The following PACRG variants were observed in gnomAD, a reference collection of about 807,000 sequenced individuals.
The protein encoded by PACRG is parkin coregulated.
Under a neutral mutation model 29.7 loss-of-function variants are expected in PACRG, and 29 were observed. The ratio of observed to expected loss-of-function variants is 0.98; its 90% confidence interval spans 0.73 to 1.33. The LOEUF is 1.33. PACRG is among the 40% of genes most tolerant of loss of function. PACRG has a pLI of 0.00. For missense variants in PACRG, 279 were observed against 316.2 expected (o/e 0.88, Z 0.89); for synonymous variants, 116 against 118.7 (o/e 0.98, Z 0.15).
chr6:162,908,276 T>C (rs1025150861), intron 2 of PACRG, among the ~76,000 whole-genome samples: 1 of 152,236 alleles, frequency 6.6e-6, no homozygotes, highest in African/African-American at 2.4e-5. Context: ...ACATACCTGC[T>C]AAGTAGTGGA....
intron 4 of PACRG, chr6:163,101,159 C>T (rs779960510): frequency 1.2e-4 from 120 of 983,832 alleles, no homozygotes; most frequent in Non-Finnish European, 1.4e-4. Context: ...TCTGCCCCCG[C>T]CCCCCAAAAA....
At chr6:163,037,666 A>G (rs1355469581) in intron 2 of PACRG, among the ~76,000 whole-genome samples, 3 of 152,190 alleles carry the variant, frequency 2.0e-5, no homozygotes, top group Admixed American at 2.0e-4. Context: ...ATCCTCTCGC[A>G]ACATACTCGG....
At chr6:162,957,039 TAA>T (rs1173815340) in intron 2 of PACRG, among the ~76,000 whole-genome samples, 3 of 144,692 alleles carry the variant, frequency 2.1e-5, no homozygotes, top group African/African-American at 7.6e-5. Context: ...GTAAAGCGTT[TAA>T]AAAAAAAAAA....
At chr6:163,122,843 A>G (rs1003206356) in intron 4 of PACRG, among the ~76,000 whole-genome samples, 1 of 152,222 alleles carries the variant, frequency 6.6e-6, no homozygotes, top group African/African-American at 2.4e-5. Context: ...TCACCACAAC[A>G]AGGAGACAGA....
chr6:163,221,531 A>ATCTT (rs1188439497), intron 4 of PACRG, among the ~76,000 whole-genome samples: 2 of 152,272 alleles, frequency 1.3e-5, no homozygotes, highest in African/African-American at 4.8e-5. Flanking sequence ...TGCAAAGCAC[A>ATCTT]TCTTACGTTG....
intron 1 of PACRG, among the ~76,000 whole-genome samples, chr6:162,754,476 A>G (rs201641123): frequency 1.4e-4 from 22 of 152,104 alleles, no homozygotes; most frequent in East Asian, 1.4e-3. Context: ...GATGCCATCC[A>G]TTTGTCTATT....
At chr6:163,059,725 T>C (rs1810935440) in intron 2 of PACRG, among the ~76,000 whole-genome samples, 1 of 152,184 alleles carries the variant, frequency 6.6e-6, no homozygotes, top group East Asian at 1.9e-4. Context: ...TTTCCTCATA[T>C]TGAAAATTAG....
At position 163,241,679 on chromosome 6, in the gene PACRG, G is replaced by A. The variant is rs566690400; in HGVS notation, c.614-73148G>A. On this transcript the variant is annotated intron_variant, in intron 4 of 4. Coordinates refer to ENST00000366888, the MANE Select transcript of PACRG (RefSeq NM_001080379.2). ...TTTGGTCTGGGTAGATGTGGGGGGT[G>A]ATCTGAGTTGAGGTACATGTTTATA... Among the ~76,000 whole-genome samples, 5 of 152,314 alleles carry A rather than the reference G, an allele frequency of 3.3e-5. No homozygotes were observed. The South Asian group carries it at 1.0e-3, about 32-fold the overall frequency.
chr6:162,996,439 C>T (rs959938632), intron 2 of PACRG, among the ~76,000 whole-genome samples: 1 of 151,996 alleles, frequency 6.6e-6, no homozygotes, highest in Non-Finnish European at 1.5e-5. Flanking sequence ...TTCGTTTGTG[C>T]TTTGATCCAA....
At chr6:163,103,914 A>G (rs1815238573) in intron 4 of PACRG, among the ~76,000 whole-genome samples, 1 of 152,256 alleles carries the variant, frequency 6.6e-6, no homozygotes, top group Admixed American at 6.5e-5. Flanking sequence ...AACCAAAGCC[A>G]GCACCCAAGA....
chr6:162,965,647 C>G (rs2128150694), intron 2 of PACRG, among the ~76,000 whole-genome samples: 1 of 152,238 alleles, frequency 6.6e-6, no homozygotes, highest in East Asian at 1.9e-4. Flanking sequence ...TGAAGGAACA[C>G]AATCATTCAG....
chr6:162,819,541 C>T (rs1014764662), intron 2 of PACRG, among the ~76,000 whole-genome samples: 4 of 152,012 alleles, frequency 2.6e-5, no homozygotes, highest in Non-Finnish European at 4.4e-5. Flanking sequence ...AAAATGGATC[C>T]AGTAACAATG....
chr6:162,795,104 A>C (rs1785265578), intron 1 of PACRG, among the ~76,000 whole-genome samples: 1 of 151,744 alleles, frequency 6.6e-6, no homozygotes, highest in African/African-American at 2.4e-5. Flanking sequence ...CTGGAAGAAC[A>C]CTCCAGGCAG....
chr6:162,953,691 A>AC lies in PACRG; in HGVS notation c.292-108452dup, dbSNP rs760523579. Among the ~76,000 whole-genome samples the AC allele has an allele frequency of 1.0e-4, 15 of 145,952 alleles. 1 individual carries two copies. The highest frequency in any genetic ancestry group is 4.8e-4 in the Admixed American group (7 of 14,624). On this transcript the variant is annotated intron_variant, in intron 2 of 4. Transcript: ENST00000366888. ...GCTGTCCTCCCGCTCTCTCTCCCTA[A>AC]CCCCCCCACACTTTCTCCCACCCCC... is the stretch of plus-strand genomic sequence containing the variant.
chr6:163,161,508 T>A (rs1370555568), intron 4 of PACRG, among the ~76,000 whole-genome samples: 1 of 152,220 alleles, frequency 6.6e-6, no homozygotes, highest in Non-Finnish European at 1.5e-5. Context: ...CAGTTCCTTC[T>A]TGATGGACAT....
At chr6:163,062,104 C>T (rs1462835545) in intron 2 of PACRG, 46 bp from the exon 3 acceptor site, 1 of 1,596,728 alleles carries the variant, frequency 6.3e-7, no homozygotes, top group African/African-American at 1.3e-5. Context: ...CCGTGCTCTG[C>T]CCGAATGCTG....
At chr6:162,784,085 A>G (rs145360870) in intron 1 of PACRG, among the ~76,000 whole-genome samples, 1 of 152,180 alleles carries the variant, frequency 6.6e-6, no homozygotes, top group Non-Finnish European at 1.5e-5. Context: ...ACAAATTTAG[A>G]ATATTGAGTC....
chr6:162,841,823 A>G (rs1440548949), intron 2 of PACRG, among the ~76,000 whole-genome samples: 2 of 152,092 alleles, frequency 1.3e-5, no homozygotes, highest in Non-Finnish European at 2.9e-5. Flanking sequence ...TTCAAAGAAC[A>G]TCTTTATTTC....
chr6:163,149,880 G>A (rs1778004130), intron 4 of PACRG, among the ~76,000 whole-genome samples: 2 of 152,148 alleles, frequency 1.3e-5, no homozygotes, highest in Admixed American at 6.5e-5. Flanking sequence ...AGGAAACTCG[G>A]TCTCATTTCC....
Sources: gnomAD v4.1 joint callset for allele counts (sites outside exome capture counted in the v4.1 genomes callset) on GRCh38, gnomAD v4.1.1 for gene constraint, MANE v1.5 for transcripts, NCBI Gene and HGNC (gene_info 2026-07-23, HGNC 2026-07-21) for gene names.